MBTPS1: variants seen among roughly 807,000 people sequenced by gnomAD.
MBTPS1 encodes the protein membrane bound transcription factor peptidase, site 1.
MBTPS1 carries 94 observed loss-of-function variants against 127.8 expected under a neutral mutation model. The observed-to-expected ratio is 0.74, with a 90% CI of 0.62 to 0.87. The LOEUF is 0.87. Ranked by LOEUF, MBTPS1 falls within the 40% of genes least tolerant of loss-of-function variation. The probability of loss-of-function intolerance (pLI) is 0.00; values close to 1 mark genes in which losing one functional copy is unlikely to be tolerated. For synonymous variants in MBTPS1, 632 were observed against 509.4 expected (o/e 1.24, Z -3.24); for missense variants, 1,636 against 1,353.2 (o/e 1.21, Z -3.28).
intron 1 of MBTPS1, among the ~76,000 whole-genome samples, chr16:84,104,777 G>A (rs1056016193): frequency 2.6e-5 from 4 of 151,880 alleles, no homozygotes; most frequent in Admixed American, 2.0e-4. Context: ...GTTTTCAAAT[G>A]AAAAAAAGGC....
intron 11 of MBTPS1, among the ~76,000 whole-genome samples, chr16:84,080,741 C>T (rs560595146): frequency 6.6e-6 from 1 of 152,234 alleles, no homozygotes; most frequent in African/African-American, 2.4e-5. Context: ...CCTGTGCGAG[C>T]CTCTTCCTCC....
chr16:84,081,783 G>C lies in MBTPS1; in HGVS notation c.1412C>G (p.Ala471Gly), dbSNP rs768876126. 2.0e-6 allele frequency: 3 copies of C among 1,506,602 alleles called. No individual in the cohort carries two copies. The highest frequency in any genetic ancestry group is 2.7e-6 in the Non-Finnish European group (3 of 1,125,934). 93.3% of individuals were successfully genotyped at this position (1,506,602 alleles called of 1,614,324 possible). A position where few individuals can be genotyped will look rare whatever the true frequency, so the allele number is the denominator to read the frequency against. ...CTTGTAGCTGTTGAGGATCTGATAG[G>C]CTCTGAGCAGATCGAGCTTGCCGTG... The part of the protein sequence containing the change: ...QGHGKLDLLR[A>G]YQILNSYKPQ... The change falls in exon 11 of 23, where the codon GCC (alanine) becomes GGC (glycine). Residue 471 changes from alanine (A) to glycine (G), a missense_variant. Physicochemically the swap from Ala to Gly is moderately conservative, Grantham distance 60 (BLOSUM62 0). Coordinates refer to ENST00000343411, the MANE Select transcript of MBTPS1 (RefSeq NM_003791.4).
chr16:84,063,549 T>C, intron 18 of MBTPS1, 104 bp from the exon 19 acceptor site: 2 of 1,144,622 alleles, frequency 1.7e-6, no homozygotes, highest in Non-Finnish European at 2.5e-6. Context: ...ATTTACAAAA[T>C]CTAATATTCA....
intron 11 of MBTPS1, among the ~76,000 whole-genome samples, chr16:84,077,064 A>T (rs1335814586): frequency 9.9e-5 from 15 of 152,042 alleles, no homozygotes; most frequent in Admixed American, 9.8e-4. Flanking sequence ...TGTCTCTACT[A>T]AAAATAGAAA....
At chr16:84,091,250 C>G (rs979256010) in intron 7 of MBTPS1, among the ~76,000 whole-genome samples, 9 of 152,138 alleles carry the variant, frequency 5.9e-5, no homozygotes, top group Non-Finnish European at 1.2e-4. Flanking sequence ...CTTTGAAAGG[C>G]TGAGGTGGGT....
intron 10 of MBTPS1, among the ~76,000 whole-genome samples, chr16:84,084,493 C>T (rs1488436634): frequency 1.3e-5 from 2 of 152,160 alleles, no homozygotes; most frequent in African/African-American, 4.8e-5. Flanking sequence ...AGAGTAACCT[C>T]CTTTTTACTA....
At chr16:84,065,621 G>C (rs918532415) in intron 18 of MBTPS1, 69 bp downstream of exon 18, 4 of 990,338 alleles carry the variant, frequency 4.0e-6, no homozygotes, top group Non-Finnish European at 4.9e-6. Flanking sequence ...ATGAGAGACA[G>C]AGAGAGAAGC....
intron 21 of MBTPS1, chr16:84,058,096 T>A (rs1483528177): frequency 3.9e-5 from 6 of 152,244 alleles, no homozygotes; most frequent in African/African-American, 1.4e-4. Flanking sequence ...AATGATGAGA[T>A]GTGAACTGGA....
In MBTPS1 at chr16:84,080,814, T is replaced by C. The variant is rs78312255; in HGVS notation, c.1448+933A>G. 6.9e-3 allele frequency among the ~76,000 whole-genome samples: 1,049 copies of C among 152,302 alleles called. 11 individuals are homozygous for C. Among genetic ancestry groups the C allele is most frequent in the African/African-American group, 0.024 (1,005 of 41,544 alleles). ...CAGTTCCTGCCTATTCCCACACCCT[T>C]CCCTTTATCCTTCAGAGGCCCTCAC... On this transcript the variant is annotated intron_variant, in intron 11 of 22. Transcript: ENST00000343411.
chr16:84,107,398 G>C (rs749598069), intron 1 of MBTPS1, among the ~76,000 whole-genome samples: 2 of 152,096 alleles, frequency 1.3e-5, no homozygotes, highest in Non-Finnish European at 2.9e-5. Context: ...GATAAGGCTG[G>C]AAATGACAGG....
In MBTPS1 at chr16:84,077,247, A is replaced by AGAG. The variant is rs760155538; in HGVS notation, c.1449-2507_1449-2506insCTC. 5.2e-3 allele frequency among the ~76,000 whole-genome samples: 600 copies of AGAG among 116,476 alleles called. 3 individuals carry two copies. The highest frequency in any genetic ancestry group is 0.03 in the South Asian group (117 of 3,898). The allele number at this position is 116,476 out of a possible 152,430, so 76.4% of individuals were successfully genotyped here. A position where few individuals can be genotyped will look rare whatever the true frequency, so the allele number is the denominator to read the frequency against. ...TGCATTAAAAAAGAAAAAAAAAAAA[A>AGAG]AAAGAGAGAGAGAAAAGAAAAGAAA... is the stretch of plus-strand genomic sequence containing the variant. On this transcript the variant is annotated intron_variant, in intron 11 of 22. Coordinates refer to ENST00000343411, the MANE Select transcript of MBTPS1 (RefSeq NM_003791.4).
intron 10 of MBTPS1, among the ~76,000 whole-genome samples, chr16:84,084,637 T>C (rs1162555866): frequency 2.0e-5 from 3 of 152,248 alleles, no homozygotes; most frequent in East Asian, 3.8e-4. Context: ...TACTATTTGT[T>C]CCCTGCCTGA....
Position 84,054,406 on chromosome 16 carries a change from C to CTCA in MBTPS1, c.*42_*43insTGA, listed in dbSNP as rs2085485039. On this transcript the variant is annotated 3_prime_UTR_variant, in exon 23 of 23. Transcript: ENST00000343411. ...GCTCGGCTCACCCACCAGCGCCGTC[C>CTCA]GTGAAGGCTCTCTCTGGCCCTCACG... 2.6e-6 allele frequency: 4 copies of CTCA among 1,525,508 alleles called. No individual in the cohort carries two copies. The South Asian group carries it at 5.1e-5, about 19-fold the overall frequency. 94.5% of individuals were successfully genotyped at this position (1,525,508 alleles called of 1,614,324 possible).
At position 84,085,051 on chromosome 16, in the gene MBTPS1, C is replaced by T; in HGVS notation, c.1218G>A (p.Gly406=). Residue 406 remains glycine, a synonymous_variant, in exon 10 of 23, where the codon GGG becomes GGA. Coordinates refer to ENST00000343411, the MANE Select transcript of MBTPS1 (RefSeq NM_003791.4). The part of the protein sequence containing the change: ...AGVRGSGVKG[G]CRALSGTSVA... ...CACTGGTCCCTGAGAGGGCCCGGCACCCCCCTTTCACGCCAGAACCCCGCA... is the reference window on the plus strand; with the variant it reads ...CACTGGTCCCTGAGAGGGCCCGGCATCCCCCTTTCACGCCAGAACCCCGCA... The T allele has an allele frequency of 6.2e-7, 1 of 1,614,148 alleles. No homozygotes were observed. The highest frequency in any genetic ancestry group is 2.2e-5 in the East Asian group (1 of 44,880).
At chr16:84,099,370 A>C in intron 2 of MBTPS1, 60 bp from the exon 3 acceptor site, 3 of 1,515,184 alleles carry the variant, frequency 2.0e-6, no homozygotes, top group Non-Finnish European at 2.7e-6. Flanking sequence ...AACATATACT[A>C]TATTGTATCT....
chr16:84,089,053 G>C (rs16962779), intron 8 of MBTPS1, among the ~76,000 whole-genome samples: 5,335 of 152,346 alleles, frequency 0.035, 164 homozygotes, highest in African/African-American at 0.087. Flanking sequence ...GGCAGCCAGC[G>C]TGTGACAAAA....
At chr16:84,074,946 C>G (rs551577193) in intron 11 of MBTPS1, 4 of 433,256 alleles carry the variant, frequency 9.2e-6, no homozygotes, top group African/African-American at 6.1e-5. Flanking sequence ...TCTATACAGA[C>G]AGTGTGATGT....
chr16:84,112,651 G>C (rs1402920898), intron 1 of MBTPS1, among the ~76,000 whole-genome samples: 1 of 132,054 alleles, frequency 7.6e-6, no homozygotes, highest in Non-Finnish European at 1.6e-5. Context: ...AACAGAGCGA[G>C]ACTCGGTCTC....
At chr16:84,066,992 T>C (rs2085694088) in intron 16 of MBTPS1, among the ~76,000 whole-genome samples, 1 of 152,168 alleles carries the variant, frequency 6.6e-6, no homozygotes, top group African/African-American at 2.4e-5. Flanking sequence ...ATGTTTATAA[T>C]ACATTGGGAG....
Sources: gnomAD v4.1 joint callset for allele counts (sites outside exome capture counted in the v4.1 genomes callset) on GRCh38, gnomAD v4.1.1 for gene constraint, MANE v1.5 for transcripts, NCBI Gene and HGNC (gene_info 2026-07-23, HGNC 2026-07-21) for gene names.